BRCA1: variants seen among roughly 807,000 people sequenced by gnomAD.
BRCA1 encodes the protein breast cancer type 1 susceptibility protein.
Under a neutral mutation model 173.7 loss-of-function variants are expected in BRCA1, and 140 were observed. That is an observed-to-expected ratio of 0.81 (90% confidence interval 0.70 to 0.93). BRCA1 has a LOEUF of 0.93. Among genes scored for constraint, BRCA1 ranks in the 40% least tolerant of loss-of-function variants. The pLI, the probability that BRCA1 is intolerant of heterozygous loss-of-function variation, is 0.00. For synonymous variants in BRCA1, 662 were observed against 756.0 expected (o/e 0.88, Z 2.04); for missense variants, 1,983 against 2,172.5 (o/e 0.91, Z 1.73).
At position 43,076,592 on chromosome 17, in the gene BRCA1, A is replaced by G. The variant is rs786203100; in HGVS notation, c.4380T>C (p.Ser1460=). The change falls in exon 13 of 23, where the codon AGT becomes AGC. Residue 1460 remains serine (S), a synonymous_variant. Transcript: ENST00000357654. ...GATTCTGGCTTATAGGGTATTCACT[A>G]CTTTTCTGTGAAGTTAATACTGCTT... ...SEKAVLTSQK[S]SEYPISQNPE... is the part of the protein sequence containing the mutation. 1.2e-6 allele frequency: 2 copies of G among 1,613,536 alleles called. No homozygotes were observed. Among genetic ancestry groups the G allele is most frequent in the African/African-American group, 2.7e-5 (2 of 74,900 alleles).
chr17:43,109,994 A>G (rs1399561739), intron 3 of BRCA1, among the ~76,000 whole-genome samples: 1 of 151,028 alleles, frequency 6.6e-6, no homozygotes, highest in Non-Finnish European at 1.5e-5. Flanking sequence ...TCCTGGGTTC[A>G]CGCCATTCTC....
chr17:43,139,789 G>A (rs1406892512), intron 1 of BRCA1: 1 of 453,738 alleles, frequency 2.2e-6, no homozygotes, highest in African/African-American at 2.0e-5. Flanking sequence ...AGAACGTGTG[G>A]TGTTTGGTTT....
chr17:43,128,235 C>T (rs1409302713), upstream of BRCA1, among the ~76,000 whole-genome samples: 5 of 151,998 alleles, frequency 3.3e-5, no homozygotes, highest in Admixed American at 6.6e-5. Flanking sequence ...AGCGAGACCA[C>T]GAACCCACCA....
chr17:43,120,000 C>T (rs1383638639), intron 2 of BRCA1, among the ~76,000 whole-genome samples: 2 of 152,130 alleles, frequency 1.3e-5, no homozygotes, highest in African/African-American at 4.8e-5. Flanking sequence ...TAAATGTTTA[C>T]TATAAAAATG....
chr17:43,072,262 G>C (rs1348998283), intron 14 of BRCA1, among the ~76,000 whole-genome samples: 1 of 151,666 alleles, frequency 6.6e-6, no homozygotes, highest in African/African-American at 2.4e-5. Flanking sequence ...GGTGGTGCAT[G>C]CCTGTAATCC....
chr17:43,088,488 C>T (rs141544169), intron 11 of BRCA1, among the ~76,000 whole-genome samples: 3 of 152,002 alleles, frequency 2.0e-5, no homozygotes, highest in African/African-American at 7.2e-5. Context: ...AACATGTGTC[C>T]TTTGGTGTCC....
intron 8 of BRCA1, among the ~76,000 whole-genome samples, chr17:43,096,520 C>T (rs936216449): frequency 3.4e-5 from 5 of 148,348 alleles, no homozygotes; most frequent in African/African-American, 9.9e-5. Context: ...TGCAGTGAGC[C>T]GAGATGGCGC....
In BRCA1 at chr17:43,044,494, T is replaced by C. The variant is rs931310802; in HGVS notation, c.*1184A>G. 5.9e-6 allele frequency: 3 copies of C among 508,118 alleles called. No individual in the cohort carries two copies. The highest frequency in any genetic ancestry group is 8.8e-5 in the East Asian group (2 of 22,834). The allele number at this position is 508,118 out of a possible 1,614,324, so 31.5% of individuals were successfully genotyped here. On this transcript the variant is annotated 3_prime_UTR_variant, in exon 23 of 23. Coordinates refer to ENST00000357654, the MANE Select transcript of BRCA1 (RefSeq NM_007294.4). Reference sequence around the variant, plus strand: ...TTCCTTCAGCAAGCAAAATTATTTATGAAGCTGTATGGTTTCAGCAACAGG... The same window carrying C: ...TTCCTTCAGCAAGCAAAATTATTTACGAAGCTGTATGGTTTCAGCAACAGG...
intron 13 of BRCA1, among the ~76,000 whole-genome samples, chr17:43,075,507 T>C (rs945024793): frequency 2.6e-5 from 4 of 152,092 alleles, no homozygotes; most frequent in Admixed American, 1.3e-4. Flanking sequence ...GGTCAAATAC[T>C]AAGGCTAGGC....
chr17:43,072,752 C>T (rs2052509707), intron 14 of BRCA1, among the ~76,000 whole-genome samples: 1 of 151,880 alleles, frequency 6.6e-6, no homozygotes, highest in Non-Finnish European at 1.5e-5. Flanking sequence ...TTAGTAGAGA[C>T]AGGGTTTCTC....
intron 11 of BRCA1, 126 bp from the exon 12 acceptor site, chr17:43,082,701 T>C (rs2053078621): frequency 2.0e-6 from 2 of 1,020,212 alleles, no homozygotes; most frequent in South Asian, 2.7e-5. Flanking sequence ...AACTACAAGT[T>C]CTAGCTGAAC....
At chr17:43,153,016 T>G (rs1305183136) in intron 1 of BRCA1, among the ~76,000 whole-genome samples, 1 of 151,928 alleles carries the variant, frequency 6.6e-6, no homozygotes, top group Non-Finnish European at 1.5e-5. Flanking sequence ...GCCCGGGCAA[T>G]AGAGTGAGAT....
At chr17:43,051,955 C>G (rs910000705) in intron 19 of BRCA1, among the ~76,000 whole-genome samples, 1 of 151,994 alleles carries the variant, frequency 6.6e-6, no homozygotes, top group African/African-American at 2.4e-5. Context: ...TTCTTCTAGC[C>G]CCCTAAACAT....
At chr17:43,089,615 T>C (rs2154233651) in intron 11 of BRCA1, among the ~76,000 whole-genome samples, 1 of 151,260 alleles carries the variant, frequency 6.6e-6, no homozygotes, top group African/African-American at 2.4e-5. Context: ...CAGCATGATC[T>C]CAGCTCACTG....
Position 43,044,578 on chromosome 17 carries a change from T to C in BRCA1, c.*1100A>G. On this transcript the variant is annotated 3_prime_UTR_variant, in exon 23 of 23. Coordinates refer to ENST00000357654, the MANE Select transcript of BRCA1 (RefSeq NM_007294.4). ...ACAGCTTCCTTCCTGGTGGGATCTG[T>C]CATTTTATAGATATGAAATATTCAT... 1 of 505,132 alleles carries C rather than the reference T, an allele frequency of 2.0e-6. No homozygotes were observed. The highest frequency in any genetic ancestry group is 3.9e-6 in the Non-Finnish European group (1 of 257,850). The allele number at this position is 505,132 out of a possible 1,614,324, so 31.3% of individuals were successfully genotyped here.
At chr17:43,051,220 G>C in intron 19 of BRCA1, 103 bp from the exon 20 acceptor site, 1 of 1,119,206 alleles carries the variant, frequency 8.9e-7, no homozygotes, top group South Asian at 1.3e-5. Flanking sequence ...TTTCAAAAAG[G>C]AAGAGCTTTT....
chr17:43,070,789 T>C, intron 15 of BRCA1, 139 bp downstream of exon 15: 1 of 1,005,394 alleles, frequency 9.9e-7, no homozygotes, highest in East Asian at 2.6e-5. Flanking sequence ...AAATTAGTAA[T>C]CGAAATTAAA....
chr17:43,158,492 A>G (rs1467347614), intron 1 of BRCA1, among the ~76,000 whole-genome samples: 2 of 152,166 alleles, frequency 1.3e-5, no homozygotes, highest in Non-Finnish European at 2.9e-5. Context: ...CATGACTCCA[A>G]ATATGAAAAA....
intron 1 of BRCA1, among the ~76,000 whole-genome samples, chr17:43,130,534 G>A (rs2055956808): frequency 6.6e-6 from 1 of 152,040 alleles, no homozygotes; most frequent in East Asian, 1.9e-4. Flanking sequence ...GGCTGGTCTC[G>A]AACTCCTGGA....
Sources: allele counts gnomAD v4.1 joint callset (sites outside exome capture counted in the v4.1 genomes callset), GRCh38; gene constraint gnomAD v4.1.1; transcripts MANE v1.5; gene names NCBI Gene and HGNC (gene_info 2026-07-23, HGNC 2026-07-21).